Variants in DDX17 observed in about 807,000 individuals in gnomAD.
DDX17 encodes the protein probable ATP-dependent RNA helicase DDX17.
A neutral mutation model predicts 80.8 loss-of-function variants in DDX17; 10 were observed. The observed-to-expected ratio is 0.12, with a 90% confidence interval of 0.08 to 0.21. The LOEUF (loss-of-function observed/expected upper bound fraction) is 0.21. DDX17 is among the 10% of genes least tolerant of loss of function. The pLI is 1.00. For missense variants in DDX17, 586 were observed against 957.4 expected (o/e 0.61, Z 5.12); for synonymous variants, 339 against 336.2 (o/e 1.01, Z -0.09).
chr22:38,486,589 T>G (rs1323732685), intron 12 of DDX17, 149 bp from the exon 13 acceptor site: 1 of 1,234,534 alleles, frequency 8.1e-7, no homozygotes, highest in Non-Finnish European at 1.1e-6. Flanking sequence ...TGTAAAAATA[T>G]ACTCATAATT....
At chr22:38,493,823 A>G in intron 9 of DDX17, 52 bp from the exon 10 acceptor site, 1 of 1,572,286 alleles carries the variant, frequency 6.4e-7, no homozygotes, top group Non-Finnish European at 8.7e-7. Flanking sequence ...AGTGGAGAAA[A>G]TCGAACTTTA....
rs1042940638 is a variant in DDX17, at chr22:38,494,823, T to C, written c.1042-21A>G. On this transcript the variant is annotated intron_variant, in intron 7 of 12. Transcript: ENST00000403230. ...TCAGGCTATCAAAAAAGGAAAGGCT[T>C]TCTTTCAGGCTAAGGAACTTGGACA... is the stretch of plus-strand genomic sequence containing the variant. The C allele has an allele frequency of 1.9e-6, 3 of 1,613,942 alleles. No individual in the cohort carries two copies. The African/African-American group carries it at 4.0e-5, about 22-fold the overall frequency.
In DDX17 at chr22:38,495,804, A is replaced by G; in HGVS notation, c.872T>C (p.Leu291Ser). The change falls in exon 6 of 13, where the codon TTG becomes TCG. Residue 291 changes from leucine to serine, a missense_variant. Around this residue, in one of 4 missense-constraint regions of DDX17, gnomAD observed 141 missense variants for 379.3 expected, o/e 0.37. Coordinates refer to ENST00000403230, the MANE Select transcript of DDX17 (RefSeq NM_006386.5). ...ACACTATATATTATTACCTCTTTCC[A>G]AGTCTCGAATCTGGGGACCTTTAGG... 6.3e-7 allele frequency: 1 copy of G among 1,597,936 alleles called. No homozygotes were observed. The highest frequency in any genetic ancestry group is 8.5e-7 in the Non-Finnish European group (1 of 1,172,962).
rs1343928193 is a variant in DDX17, at chr22:38,485,924, C to G, written c.*11G>C. 6.2e-7 allele frequency: 1 copy of G among 1,612,250 alleles called. No individual in the cohort carries two copies. The highest frequency in any genetic ancestry group is 1.7e-5 in the Admixed American group (1 of 59,904). On this transcript the variant is annotated 3_prime_UTR_variant, in exon 13 of 13. Transcript: ENST00000403230. ...ATTAAGTCTGCTGGAGTCACTACCA[C>G]TTGAGTGGTTTCATTTACGTGAAGG...
chr22:38,498,317 T>G, intron 4 of DDX17, 123 bp downstream of exon 4: 1 of 1,445,092 alleles, frequency 6.9e-7, no homozygotes, highest in Non-Finnish European at 9.4e-7. Context: ...TCCATATATT[T>G]AATAACTAAA....
chr22:38,499,393 C>T lies in DDX17; in HGVS notation c.538+7G>A. ...CAAATTAAGGTTCTAGATTGAAGAACACTTACGTGGGAAGTTAGCATGATG... is the reference window on the plus strand; with the variant it reads ...CAAATTAAGGTTCTAGATTGAAGAATACTTACGTGGGAAGTTAGCATGATG... On this transcript the variant is annotated splice_region_variant and intron_variant, in intron 3 of 12. Transcript: ENST00000403230. 6.2e-7 allele frequency: 1 copy of T among 1,609,050 alleles called. No homozygotes were observed. The highest frequency in any genetic ancestry group is 8.5e-7 in the Non-Finnish European group (1 of 1,175,436).
intron 3 of DDX17, 54 bp from the exon 4 acceptor site, chr22:38,498,627 G>T: frequency 6.3e-7 from 1 of 1,589,206 alleles, no homozygotes. Flanking sequence ...CACAAACCAA[G>T]AGTTTTTAAA....
In DDX17 at chr22:38,503,830, C is replaced by T. The variant is rs571090920; in HGVS notation, c.287+2121G>A. Among the ~76,000 whole-genome samples, 9 of 152,242 alleles carry T rather than the reference C, an allele frequency of 5.9e-5. No homozygotes were observed. The South Asian group carries it at 1.9e-3, about 32-fold the overall frequency. ...TCACCTATTCCTTTTTCAAAATAAC[C>T]ACCACTTCAACTGTGTAACACTCAG... On this transcript the variant is annotated intron_variant, in intron 1 of 12. Transcript: ENST00000403230.
intron 4 of DDX17, 90 bp from the exon 5 acceptor site, chr22:38,498,240 G>A: frequency 2.7e-6 from 4 of 1,497,084 alleles, no homozygotes; most frequent in Admixed American, 3.9e-5. Flanking sequence ...GCATAAATAG[G>A]AAAGTGAAAA....
At position 38,484,792 on chromosome 22, in the gene DDX17, G is replaced by A. The variant is rs1286105760; in HGVS notation, c.*1143C>T. On this transcript the variant is annotated 3_prime_UTR_variant, in exon 13 of 13. Coordinates refer to ENST00000403230, the MANE Select transcript of DDX17 (RefSeq NM_006386.5). The stretch of plus-strand genomic sequence containing the variant: ...ACTACCTACCTGTAATAAGCTGAGT[G>A]CAAAAGGATGCCGAAGAAAATCTGC... The A allele has an allele frequency of 2.0e-5, 3 of 152,218 alleles. No homozygotes were observed. The highest frequency in any genetic ancestry group is 4.4e-5 in the Non-Finnish European group (3 of 68,042). The allele number at this position is 152,218 out of a possible 1,614,324, so 9.4% of individuals were successfully genotyped here.
At chr22:38,498,706 T>A in intron 3 of DDX17, 133 bp from the exon 4 acceptor site, 2 of 940,100 alleles carry the variant, frequency 2.1e-6, no homozygotes, top group Non-Finnish European at 3.2e-6. Context: ...TTTCTTTATC[T>A]ACTAGATCTC....
At chr22:38,491,367 C>T (rs923184810) in intron 11 of DDX17, 5 of 152,030 alleles carry the variant, frequency 3.3e-5, no homozygotes, top group Admixed American at 3.3e-4. Flanking sequence ...CTGAGTTAGA[C>T]CTGTTTAGCT....
chr22:38,500,988 A>T (rs901116786), intron 2 of DDX17, 142 bp downstream of exon 2: 4 of 1,194,608 alleles, frequency 3.3e-6, no homozygotes, highest in East Asian at 5.9e-5. Context: ...AAAAAAAAAA[A>T]ATTAACCAAA....
Position 38,494,901 on chromosome 22 carries a change from A to T in DDX17, c.1026T>A (p.Ile342=). 1 of 1,614,180 alleles carries T rather than the reference A, an allele frequency of 6.2e-7. No individual in the cohort carries two copies. ...CTTTACACACCCTGATTTGGTCAAC[A>T]ATTTTACGGATCTGGGGTTCAAACC... The change falls in exon 7 of 13, where the codon ATT becomes ATA. Residue 342 remains isoleucine (I), a synonymous_variant. Transcript: ENST00000403230.
intron 5 of DDX17, among the ~76,000 whole-genome samples, chr22:38,497,877 AAG>A (rs928776936): frequency 1.3e-5 from 2 of 152,214 alleles, no homozygotes; most frequent in Non-Finnish European, 2.9e-5. Flanking sequence ...CTTTAAGAGT[AAG>A]ACTTTGGTTC....
In DDX17 at chr22:38,495,052, A is replaced by G; in HGVS notation, c.881-6T>C. ...GGCTATGCAGATCTCAACACCTGTA[A>G]AACAAAACCAATGATCGAGCCAATC... On this transcript the variant is annotated splice_region_variant and splice_polypyrimidine_tract_variant and intron_variant, in intron 6 of 12. Transcript: ENST00000403230. 6.2e-7 allele frequency: 1 copy of G among 1,611,590 alleles called. No homozygotes were observed. Among genetic ancestry groups the G allele is most frequent in the Non-Finnish European group, 8.5e-7 (1 of 1,179,140 alleles).
Position 38,489,358 on chromosome 22 carries a change from T to A in DDX17, c.1448-1243A>T. ...ACCACTGGAGCGCGGGGAGCATGCA[T>A]CAAGGGTCCGTGGCAGTGAGAAGTC... On this transcript the variant is annotated intron_variant, in intron 11 of 12. Coordinates refer to ENST00000403230, the MANE Select transcript of DDX17 (RefSeq NM_006386.5). This position sits in a 1 kb window ranked among gnomAD's most constrained non-coding sequence, Gnocchi z 4.6. The A allele has an allele frequency of 1.0e-6, 1 of 985,616 alleles. No homozygotes were observed. Among genetic ancestry groups the A allele is most frequent in the Non-Finnish European group, 1.2e-6 (1 of 829,882 alleles). 61.1% of individuals were successfully genotyped at this position (985,616 alleles called of 1,614,324 possible).
rs1396332680 is a variant in DDX17, at chr22:38,483,748, T to C, written c.*2187A>G. On this transcript the variant is annotated 3_prime_UTR_variant, in exon 13 of 13. Transcript: ENST00000403230. ...AATACATTGGAACCCTTTCCCTAAGTTGAGTTTCAACCATGAATGCAATAA... is the reference window on the plus strand; with the variant it reads ...AATACATTGGAACCCTTTCCCTAAGCTGAGTTTCAACCATGAATGCAATAA... 6.6e-6 allele frequency: 1 copy of C among 152,244 alleles called. No homozygotes were observed. Among genetic ancestry groups the C allele is most frequent in the Non-Finnish European group, 1.5e-5 (1 of 68,038 alleles). The allele number at this position is 152,244 out of a possible 1,614,324, so 9.4% of individuals were successfully genotyped here. A position where few individuals can be genotyped will look rare whatever the true frequency, so the allele number is the denominator to read the frequency against.
rs1017796980 is a variant in DDX17 at position 38,489,461 on chromosome 22, G to C, written c.1448-1346C>G. The stretch of plus-strand genomic sequence containing the variant: ...TTGGTTGCCAAGCGCCGGAGAACCT[G>C]GGTTCGGGTAAAAATTTCAGGTCCT... On this transcript the variant is annotated intron_variant, in intron 11 of 12. Transcript: ENST00000403230. This position sits in a 1 kb window ranked among gnomAD's most constrained non-coding sequence, Gnocchi z 4.6. The C allele has an allele frequency of 1.0e-6, 1 of 985,606 alleles. No homozygotes were observed. Among genetic ancestry groups the C allele is most frequent in the South Asian group, 4.7e-5 (1 of 21,288 alleles). The allele number at this position is 985,606 out of a possible 1,614,324, so 61.1% of individuals were successfully genotyped here.
Sources: gnomAD v4.1 joint callset for allele counts (sites outside exome capture counted in the v4.1 genomes callset) on GRCh38, gnomAD v4.1.1 for gene constraint, gnomAD v4.1.1 regional missense constraint, Gnocchi (gnomAD v3.1) non-coding constraint, MANE v1.5 for transcripts, NCBI Gene and HGNC (gene_info 2026-07-23, HGNC 2026-07-21) for gene names.